CNKSR3: variants seen among roughly 807,000 people sequenced by gnomAD.
CNKSR3 encodes connector enhancer of kinase suppressor of ras 3.
A neutral mutation model predicts 67.7 loss-of-function variants in CNKSR3; 36 were observed. The observed-to-expected ratio is 0.53, with a 90% CI of 0.41 to 0.70. The LOEUF is 0.70. CNKSR3 is among the 30% of genes least tolerant of loss of function. CNKSR3 has a pLI of 0.00. For synonymous variants in CNKSR3, 281 were observed against 271.4 expected, an observed-to-expected ratio of 1.04 and a Z score of -0.35; for missense variants, 630 against 695.2, an observed-to-expected ratio of 0.91 and a Z score of 1.05.
Position 154,442,126 on chromosome 6 carries a change from G to A in CNKSR3, c.381C>T (p.Leu127=). 1 of 1,612,222 alleles carries A rather than the reference G, an allele frequency of 6.2e-7. No homozygotes were observed. Among genetic ancestry groups the A allele is most frequent in the Admixed American group, 1.7e-5 (1 of 59,986 alleles). ...PNEFLTSVVE[L]IGAAKALLAW... is the part of the protein sequence containing the mutation. ...CCAGCAGGGCCTTGGCGGCGCCGAT[G>A]AGCTCCACCACCGAGGTCAGGAACT... Residue 127 remains leucine, a synonymous_variant, in exon 3 of 13, where the codon CTC becomes CTT. Coordinates refer to ENST00000607772, the MANE Select transcript of CNKSR3 (RefSeq NM_173515.4).
At chr6:154,423,426 G>A (rs1198845365) in intron 7 of CNKSR3, among the ~76,000 whole-genome samples, 2 of 152,104 alleles carry the variant, frequency 1.3e-5, no homozygotes, top group Non-Finnish European at 1.5e-5. Flanking sequence ...ACCATGCCCA[G>A]CTAATATTTT....
intron 11 of CNKSR3, 23 bp downstream of exon 11, chr6:154,410,911 C>G: frequency 5.7e-6 from 9 of 1,588,162 alleles, no homozygotes; most frequent in Non-Finnish European, 7.7e-6. Context: ...AACGGCAGAA[C>G]AAAACAAACA....
At chr6:154,509,737 G>A (rs950350192) in intron 1 of CNKSR3, among the ~76,000 whole-genome samples, 3 of 152,102 alleles carry the variant, frequency 2.0e-5, no homozygotes, top group African/African-American at 7.2e-5. Flanking sequence ...CCGGGGCCAG[G>A]CAGGGAGAGC....
chr6:154,479,862 A>G (rs1259394348), intron 1 of CNKSR3, among the ~76,000 whole-genome samples: 1 of 152,182 alleles, frequency 6.6e-6, no homozygotes, highest in Non-Finnish European at 1.5e-5. Flanking sequence ...TATTCTTGCA[A>G]CTTACTGTAA....
intron 5 of CNKSR3, among the ~76,000 whole-genome samples, chr6:154,432,858 G>A (rs949817561): frequency 3.3e-5 from 5 of 152,212 alleles, no homozygotes; most frequent in Non-Finnish European, 7.3e-5. Flanking sequence ...ATTCCAAAGA[G>A]TGATTTTTCT....
chr6:154,437,058 A>C (rs1329935402), intron 4 of CNKSR3, among the ~76,000 whole-genome samples: 1 of 152,156 alleles, frequency 6.6e-6, no homozygotes, highest in African/African-American at 2.4e-5. Flanking sequence ...CAAGATGTAG[A>C]AGAGAGATGG....
chr6:154,497,044 T>C lies in CNKSR3; in HGVS notation c.52+13019A>G, dbSNP rs1009312738. Among the ~76,000 whole-genome samples, 10 of 152,206 alleles carry C rather than the reference T, an allele frequency of 6.6e-5. 2 individuals are homozygous for C. The Middle Eastern group carries it at 0.014, about 207-fold the overall frequency. ...TAAGCATTGTGAAGGCGAAATGAGA[T>C]AATGCATGGGAAGCCTTAGCAAGAG... On this transcript the variant is annotated intron_variant, in intron 1 of 12. Coordinates refer to ENST00000607772, the MANE Select transcript of CNKSR3 (RefSeq NM_173515.4).
At chr6:154,497,279 T>A (rs1312774775) in intron 1 of CNKSR3, among the ~76,000 whole-genome samples, 3 of 151,682 alleles carry the variant, frequency 2.0e-5, no homozygotes, top group African/African-American at 4.9e-5. Context: ...TGGTTCCTGC[T>A]ACTTAGGAGG....
rs56872694 is a variant in CNKSR3 at position 154,448,434 on chromosome 6, CA to C, written c.216+1660del. The stretch of plus-strand genomic sequence containing the variant: ...AAAAGTAAACTCAAACACGTTTGTA[CA>C]AAAAAAAAAAAAAAAGAAAATACAG... On this transcript the variant is annotated intron_variant, in intron 2 of 12. Transcript: ENST00000607772. Among the ~76,000 whole-genome samples, 430 of 121,744 alleles carry C rather than the reference CA, an allele frequency of 3.5e-3. 2 individuals carry two copies. The highest frequency in any genetic ancestry group is 0.013 in the Middle Eastern group (3 of 224). 79.9% of individuals were successfully genotyped at this position (121,744 alleles called of 152,430 possible). A position where few individuals can be genotyped will look rare whatever the true frequency, so the allele number is the denominator to read the frequency against.
intron 6 of CNKSR3, among the ~76,000 whole-genome samples, chr6:154,429,407 T>TC (rs1432971360): frequency 6.6e-6 from 1 of 152,094 alleles, no homozygotes; most frequent in African/African-American, 2.4e-5. Context: ...CACATGGTAC[T>TC]CCCCCTCCCA....
In CNKSR3 at chr6:154,510,215, C is replaced by A; in HGVS notation, c.-101G>T. 3.6e-6 allele frequency: 5 copies of A among 1,395,812 alleles called. 1 individual carries two copies. The South Asian group carries it at 5.9e-5, about 17-fold the overall frequency. The allele number at this position is 1,395,812 out of a possible 1,614,324, so 86.5% of individuals were successfully genotyped here. A position where few individuals can be genotyped will look rare whatever the true frequency, so the allele number is the denominator to read the frequency against. On this transcript the variant is annotated 5_prime_UTR_variant, in exon 1 of 13. Coordinates refer to ENST00000607772, the MANE Select transcript of CNKSR3 (RefSeq NM_173515.4). ...CCGGGAGGGCGCGCCCGCGGCTGCT[C>A]CCCTGCGCCCGAGCGACTCCGTCAA...
chr6:154,414,822 G>A, intron 9 of CNKSR3: 1 of 475,586 alleles, frequency 2.1e-6, no homozygotes, highest in Non-Finnish European at 4.4e-6. Context: ...GCTGGGCACG[G>A]CGGTTCTTGC....
chr6:154,477,475 A>G (rs1484283538), intron 1 of CNKSR3, among the ~76,000 whole-genome samples: 1 of 103,366 alleles, frequency 9.7e-6, no homozygotes, highest in Non-Finnish European at 2.1e-5. Context: ...AAAGCCCAGC[A>G]ATTTTTTTTT....
intron 2 of CNKSR3, 80 bp from the exon 3 acceptor site, chr6:154,442,370 C>T (rs1785613202): frequency 6.5e-6 from 8 of 1,231,652 alleles, no homozygotes; most frequent in Non-Finnish European, 9.4e-6. Flanking sequence ...CGCCTGTAAT[C>T]CTAGCACTTT....
At chr6:154,506,785 A>G (rs1381331020) in intron 1 of CNKSR3, among the ~76,000 whole-genome samples, 2 of 152,276 alleles carry the variant, frequency 1.3e-5, no homozygotes, top group Non-Finnish European at 2.9e-5. Flanking sequence ...GCAAGGCGCC[A>G]TGAACTAGGA....
Position 154,388,955 on chromosome 6 carries a change from T to C in CNKSR3, c.*17399A>G, listed in dbSNP as rs1784578428. The C allele has an allele frequency of 6.6e-6, 1 of 151,892 alleles. No homozygotes were observed. The highest frequency in any genetic ancestry group is 1.5e-5 in the Non-Finnish European group (1 of 67,984). 9.4% of individuals were successfully genotyped at this position (151,892 alleles called of 1,614,324 possible). On this transcript the variant is annotated 3_prime_UTR_variant, in exon 13 of 13. Transcript: ENST00000607772. The stretch of plus-strand genomic sequence containing the variant: ...TGTAAAAATTGGGTTTTTTTTTTTT[T>C]GCTATTGAGTTATGAATTCCTTACA...
rs547988012 is a variant in CNKSR3 at position 154,398,749 on chromosome 6, T to G, written c.*7605A>C. 6.6e-6 allele frequency: 1 copy of G among 152,282 alleles called. No individual in the cohort carries two copies. The highest frequency in any genetic ancestry group is 2.1e-4 in the South Asian group (1 of 4,828). 9.4% of individuals were successfully genotyped at this position (152,282 alleles called of 1,614,324 possible). On this transcript the variant is annotated 3_prime_UTR_variant, in exon 13 of 13. Transcript: ENST00000607772. ...ATTGAAGGAAGTGGAAGGGATTTAA[T>G]AGAAAAGATATGATGATGACAAATC...
chr6:154,510,293 C>T lies in CNKSR3; in HGVS notation c.-179G>A. 1 of 626,496 alleles carries T rather than the reference C, an allele frequency of 1.6e-6. No homozygotes were observed. Among genetic ancestry groups the T allele is most frequent in the Non-Finnish European group, 2.8e-6 (1 of 361,246 alleles). 38.8% of individuals were successfully genotyped at this position (626,496 alleles called of 1,614,324 possible). On this transcript the variant is annotated 5_prime_UTR_variant, in exon 1 of 13. Transcript: ENST00000607772. ...TCCCAGCGCGGCTCCGCCAGGGGAG[C>T]CCGGCCCTCTCCCTCCAGCTGCCAC... is the stretch of plus-strand genomic sequence containing the variant.
intron 12 of CNKSR3, 100 bp from the exon 13 acceptor site, chr6:154,406,752 G>A (rs1784801798): frequency 8.1e-6 from 8 of 988,294 alleles, no homozygotes; most frequent in East Asian, 2.6e-5. Flanking sequence ...GGTGGATCAC[G>A]AGGTCAAGAG....
Sources: gnomAD v4.1 joint callset for allele counts (sites outside exome capture counted in the v4.1 genomes callset) on GRCh38, gnomAD v4.1.1 for gene constraint, MANE v1.5 for transcripts, NCBI Gene and HGNC (gene_info 2026-07-23, HGNC 2026-07-21) for gene names.